SLC9A9: variants seen among roughly 807,000 people sequenced by gnomAD.
SLC9A9 encodes the protein sodium/hydrogen exchanger 9.
A neutral mutation model predicts 77.8 loss-of-function variants in SLC9A9; 62 were observed. The observed-to-expected ratio is 0.80, with a 90% CI of 0.65 to 0.98. The LOEUF is 0.98. Among genes scored for constraint, SLC9A9 ranks in the 50% least tolerant of loss-of-function variants. The pLI is 0.00. For missense variants in SLC9A9, 775 were observed against 774.9 expected (o/e 1.00, Z 0.00); for synonymous variants, 320 against 283.5 (o/e 1.13, Z -1.29).
At chr3:143,490,803 G>A (rs1365024527) in intron 11 of SLC9A9, among the ~76,000 whole-genome samples, 9 of 152,146 alleles carry the variant, frequency 5.9e-5, no homozygotes, top group African/African-American at 1.4e-4. Context: ...ACTTTTGAGC[G>A]TGGTATCAAT....
At chr3:143,762,506 C>T (rs2007166513) in intron 4 of SLC9A9, among the ~76,000 whole-genome samples, 1 of 152,134 alleles carries the variant, frequency 6.6e-6, no homozygotes, top group South Asian at 2.1e-4. Flanking sequence ...AGATTAACTT[C>T]TATATTCCCA....
intron 11 of SLC9A9, among the ~76,000 whole-genome samples, chr3:143,474,978 A>G (rs838628): frequency 0.26 from 33,101 of 128,936 alleles, 4,789 homozygotes; most frequent in Non-Finnish European, 0.35. Context: ...TTTTTTTTTG[A>G]GACAGAGTCT....
chr3:143,412,477 G>C (rs563719347), intron 12 of SLC9A9, among the ~76,000 whole-genome samples: 1 of 152,212 alleles, frequency 6.6e-6, no homozygotes, highest in East Asian at 1.9e-4. Context: ...GGAGTTATCA[G>C]ACCAGGCTCC....
rs183234510 is a variant in SLC9A9 at position 143,393,149 on chromosome 3, C to T, written c.1470-11035G>A. Among the ~76,000 whole-genome samples the T allele has an allele frequency of 3.3e-5, 5 of 152,298 alleles. No homozygotes were observed. The East Asian group carries it at 9.6e-4, about 29-fold the overall frequency. On this transcript the variant is annotated intron_variant, in intron 12 of 15. Transcript: ENST00000316549. ...CAAAATCAACAGAATATACATTCTT[C>T]TCTGCACCACACCACACCTATTCCA... is the stretch of plus-strand genomic sequence containing the variant.
At position 143,762,904 on chromosome 3, in the gene SLC9A9, A is replaced by G. The variant is rs189162283; in HGVS notation, c.533+32097T>C. 8.5e-5 allele frequency among the ~76,000 whole-genome samples: 13 copies of G among 152,272 alleles called. 1 individual carries two copies. The highest frequency in any genetic ancestry group is 5.9e-4 in the Admixed American group (9 of 15,276). ...TAGAAGTTAAGCTTTTCATGGAAGAACTCAGATCAACTCAGACAAACAGTG... is the reference window on the plus strand; with the variant it reads ...TAGAAGTTAAGCTTTTCATGGAAGAGCTCAGATCAACTCAGACAAACAGTG... On this transcript the variant is annotated intron_variant, in intron 4 of 15. Coordinates refer to ENST00000316549, the MANE Select transcript of SLC9A9 (RefSeq NM_173653.4).
chr3:143,409,224 T>A (rs529892576), intron 12 of SLC9A9, among the ~76,000 whole-genome samples: 15 of 152,226 alleles, frequency 9.9e-5, no homozygotes, highest in Non-Finnish European at 1.8e-4. Flanking sequence ...AATAGTGTAA[T>A]ATCCTTCTAT....
chr3:143,724,581 C>T (rs928417133), intron 4 of SLC9A9, among the ~76,000 whole-genome samples: 4 of 152,170 alleles, frequency 2.6e-5, no homozygotes, highest in African/African-American at 9.7e-5. Flanking sequence ...AGGACAGCCT[C>T]ATGTAGTTAT....
intron 12 of SLC9A9, among the ~76,000 whole-genome samples, chr3:143,449,864 TAA>T (rs1449586397): frequency 1.2e-5 from 1 of 82,094 alleles, no homozygotes; most frequent in Non-Finnish European, 2.1e-5. Context: ...ATTATATATA[TAA>T]AATATATAAT....
At chr3:143,378,208 A>G (rs372148897) in intron 13 of SLC9A9, among the ~76,000 whole-genome samples, 1 of 152,270 alleles carries the variant, frequency 6.6e-6, no homozygotes, top group African/African-American at 2.4e-5. Context: ...TGAATTGGTA[A>G]CTCCTGAATC....
At chr3:143,511,091 C>T (rs1343983797) in intron 9 of SLC9A9, among the ~76,000 whole-genome samples, 1 of 152,158 alleles carries the variant, frequency 6.6e-6, no homozygotes, top group African/African-American at 2.4e-5. Context: ...GAAAAGAATG[C>T]CCACGGGCAA....
rs78518342 is a variant in SLC9A9 at position 143,488,061 on chromosome 3, T to C, written c.1315+5592A>G. On this transcript the variant is annotated intron_variant, in intron 11 of 15. Transcript: ENST00000316549. ...TTAGAAATAATAGTGGTGACTTTAC[T>C]ACCAATTCTAGAGAAATAACAAGAA... Among the ~76,000 whole-genome samples, 1,145 of 151,948 alleles carry C rather than the reference T, an allele frequency of 7.5e-3. 13 individuals are homozygous for C. The highest frequency in any genetic ancestry group is 0.026 in the African/African-American group (1,090 of 41,524).
At chr3:143,744,527 C>G (rs1364105875) in intron 4 of SLC9A9, among the ~76,000 whole-genome samples, 3 of 152,160 alleles carry the variant, frequency 2.0e-5, no homozygotes, top group Non-Finnish European at 4.4e-5. Context: ...CTCTTCACGG[C>G]CCCATCGCTA....
chr3:143,686,959 T>C (rs1933291889), intron 5 of SLC9A9, among the ~76,000 whole-genome samples: 1 of 152,180 alleles, frequency 6.6e-6, no homozygotes, highest in South Asian at 2.1e-4. Context: ...GCCCTCTGTG[T>C]ATTTCTTTCT....
At chr3:143,527,291 A>G (rs1323864150) in intron 9 of SLC9A9, among the ~76,000 whole-genome samples, 3 of 152,208 alleles carry the variant, frequency 2.0e-5, no homozygotes, top group African/African-American at 7.2e-5. Flanking sequence ...AACTGAACAC[A>G]TCAGTCATAT....
chr3:143,734,906 T>A (rs2108812682), intron 4 of SLC9A9, among the ~76,000 whole-genome samples: 1 of 152,202 alleles, frequency 6.6e-6, no homozygotes, highest in South Asian at 2.1e-4. Context: ...CCCAGGTAAG[T>A]CTCTTGTGGC....
At chr3:143,796,746 T>C in intron 3 of SLC9A9, 80 bp downstream of exon 3, 1 of 998,972 alleles carries the variant, frequency 1.0e-6, no homozygotes, top group Non-Finnish European at 1.5e-6. Context: ...GAGAAGCCCA[T>C]AAAAATAACA....
intron 6 of SLC9A9, among the ~76,000 whole-genome samples, chr3:143,580,739 G>A (rs1018636159): frequency 6.6e-6 from 1 of 152,102 alleles, no homozygotes; most frequent in Non-Finnish European, 1.5e-5. Context: ...ACTCAACAGG[G>A]TATGATCACT....
intron 14 of SLC9A9, among the ~76,000 whole-genome samples, chr3:143,299,234 G>T (rs1195794160): frequency 2.0e-5 from 3 of 152,046 alleles, no homozygotes; most frequent in Non-Finnish European, 4.4e-5. Context: ...AAAAAAAAAG[G>T]CCCTAAGAAG....
chr3:143,739,168 GT>G, intron 4 of SLC9A9, among the ~76,000 whole-genome samples: 1 of 152,182 alleles, frequency 6.6e-6, no homozygotes, highest in Non-Finnish European at 1.5e-5. Flanking sequence ...TGCAGCTCTC[GT>G]GGGGCCCAGC....
Sources: gnomAD v4.1 joint callset for allele counts (sites outside exome capture counted in the v4.1 genomes callset) on GRCh38, gnomAD v4.1.1 for gene constraint, MANE v1.5 for transcripts, NCBI Gene and HGNC (gene_info 2026-07-23, HGNC 2026-07-21) for gene names.